Variants in TULP4 observed in about 807,000 individuals in gnomAD.
The protein encoded by TULP4 is TUB like protein 4, also known as tubby-related protein 4.
In TULP4, 16 loss-of-function variants were observed where a neutral mutation model predicts 129.0. The ratio of observed to expected loss-of-function variants is 0.12; its 90% CI spans 0.08 to 0.19. TULP4 has a LOEUF of 0.19. Ranked by LOEUF, TULP4 falls within the 10% of genes least tolerant of loss-of-function variation. The pLI is 1.00. For synonymous variants in TULP4, 998 were observed against 854.0 expected (o/e 1.17, Z -2.94); for missense variants, 1,842 against 2,059.1 (o/e 0.89, Z 2.04).
Position 158,503,909 on chromosome 6 carries a change from G to C in TULP4, c.4246G>C (p.Gly1416Arg). 1 of 1,614,072 alleles carries C rather than the reference G, an allele frequency of 6.2e-7. No homozygotes were observed. Among genetic ancestry groups the C allele is most frequent in the Non-Finnish European group, 8.5e-7 (1 of 1,180,034 alleles). The stretch of plus-strand genomic sequence containing the variant: ...GAGCGAGCCTGAGCTGTTCATCAGC[G>C]GGGATGAGCTCATGAACCAGAGCCA... Reference protein sequence around the residue: ...SESEPELFISGDELMNQSQGS... With the variant: ...SESEPELFISRDELMNQSQGS... The change falls in exon 13 of 14, where the codon GGG becomes CGG. Residue 1416 changes from glycine to arginine, a missense_variant. Physicochemically the swap from Gly to Arg is moderately radical, Grantham distance 125. Around this residue, in one of 5 missense-constraint regions of TULP4, gnomAD observed 1,089 missense variants for 987.1 expected, o/e 1.10. Coordinates refer to ENST00000367097, the MANE Select transcript of TULP4 (RefSeq NM_020245.5). The surrounding 1 kb of genome is among the most constrained non-coding windows in gnomAD (Gnocchi z 4.3).
intron 1 of TULP4, among the ~76,000 whole-genome samples, chr6:158,268,018 TTTTC>T (rs148303351): frequency 0.26 from 32,735 of 126,136 alleles, 4,550 homozygotes; most frequent in East Asian, 0.33. Context: ...TTTTCTTTTC[TTTTC>T]TTTTTCTTTT....
intron 6 of TULP4, among the ~76,000 whole-genome samples, chr6:158,478,130 G>GA (rs1462212077): frequency 1.3e-5 from 2 of 152,132 alleles, no homozygotes; most frequent in African/African-American, 4.8e-5. Flanking sequence ...GAGAAGATCA[G>GA]AAAAAATGCC....
chr6:158,312,422 A>G (rs1779377025), upstream of TULP4: 1 of 275,830 alleles, frequency 3.6e-6, no homozygotes, highest in African/African-American at 2.2e-5. Context: ...CAGTTTAAAG[A>G]AGGAACTAAG....
At chr6:158,303,643 A>T (rs1779165498) in intron 1 of TULP4, among the ~76,000 whole-genome samples, 2 of 152,068 alleles carry the variant, frequency 1.3e-5, no homozygotes, top group South Asian at 4.1e-4. Context: ...GCTGATGTAA[A>T]CCCTGCTGCT....
At chr6:158,444,231 A>AT (rs1778977108) in intron 3 of TULP4, among the ~76,000 whole-genome samples, 1 of 139,282 alleles carries the variant, frequency 7.2e-6, no homozygotes, top group Non-Finnish European at 1.6e-5. Flanking sequence ...AAAAAAAAAA[A>AT]AAAAAAAAAA....
intron 3 of TULP4, among the ~76,000 whole-genome samples, chr6:158,443,331 G>T (rs965277309): frequency 6.6e-6 from 1 of 151,858 alleles, no homozygotes; most frequent in Non-Finnish European, 1.5e-5. Flanking sequence ...TGACCGGGCT[G>T]GTTTTGAACT....
chr6:158,450,157 G>A (rs1217077680), intron 4 of TULP4, among the ~76,000 whole-genome samples: 1 of 152,208 alleles, frequency 6.6e-6, no homozygotes, highest in Non-Finnish European at 1.5e-5. Context: ...TTTGGGGAAT[G>A]GGACTGGCTT....
At chr6:158,309,724 A>C (rs1175262500), upstream of TULP4, among the ~76,000 whole-genome samples, 1 of 152,052 alleles carries the variant, frequency 6.6e-6, no homozygotes, top group African/African-American at 2.4e-5. Flanking sequence ...CCCCGTCTCC[A>C]CCAAAAAAAT....
intron 1 of TULP4, among the ~76,000 whole-genome samples, chr6:158,240,936 C>G (rs1241786249): frequency 6.8e-6 from 1 of 148,028 alleles, no homozygotes; most frequent in Middle Eastern, 3.6e-3. Context: ...CGGAGAGGCT[C>G]CTCACTTCTC....
Position 158,484,217 on chromosome 6 carries a change from G to C in TULP4, c.1486+2928G>C, listed in dbSNP as rs753240620. On this transcript the variant is annotated intron_variant, in intron 8 of 13. Coordinates refer to ENST00000367097, the MANE Select transcript of TULP4 (RefSeq NM_020245.5). ...TGGGATCATAGGTGTGAGCCACCAT[G>C]CCCAGCTGCTTCCCTCCACCACCCC... Among the ~76,000 whole-genome samples the C allele has an allele frequency of 1.1e-4, 17 of 151,270 alleles. No individual in the cohort carries two copies. The South Asian group carries it at 1.5e-3, about 13-fold the overall frequency.
At chr6:158,494,192 A>T (rs1419864773) in intron 10 of TULP4, among the ~76,000 whole-genome samples, 2 of 152,154 alleles carry the variant, frequency 1.3e-5, no homozygotes, top group Non-Finnish European at 2.9e-5. Context: ...AGGCTGACAC[A>T]CCTGGTGTAG....
intron 1 of TULP4, among the ~76,000 whole-genome samples, chr6:158,249,194 A>T (rs974835334): frequency 6.6e-6 from 1 of 151,908 alleles, no homozygotes; most frequent in Admixed American, 6.6e-5. Flanking sequence ...AAGTGATTTG[A>T]GCCTTTACCA....
At chr6:158,265,423 T>C (rs1306686803) in intron 1 of TULP4, among the ~76,000 whole-genome samples, 1 of 152,064 alleles carries the variant, frequency 6.6e-6, no homozygotes, top group Non-Finnish European at 1.5e-5. Flanking sequence ...GGCGCACCCC[T>C]GTAATCCCAG....
Position 158,506,609 on chromosome 6 carries a change from C to G in TULP4, c.4547C>G (p.Ala1516Gly), listed in dbSNP as rs138246958. 17 of 1,613,498 alleles carry G rather than the reference C, an allele frequency of 1.1e-5. No homozygotes were observed. The highest frequency in any genetic ancestry group is 5.3e-5 in the African/African-American group (4 of 74,930). ...CAGTTTGGACGGATTGATGGCAGTGCGTACATTCTAGACTTCCAGTATCCG... is the reference window on the plus strand; with the variant it reads ...CAGTTTGGACGGATTGATGGCAGTGGGTACATTCTAGACTTCCAGTATCCG... ...VMQFGRIDGS[A>G]YILDFQYPFS... Residue 1516 changes from alanine (A) to glycine (G), a missense_variant, in exon 14 of 14, where the codon GCG becomes GGG. Physicochemically the swap from Ala to Gly is moderately conservative, Grantham distance 60. Transcript: ENST00000367097.
intron 1 of TULP4, among the ~76,000 whole-genome samples, chr6:158,406,593 G>T (rs1777982399): frequency 6.6e-6 from 1 of 152,198 alleles, no homozygotes; most frequent in South Asian, 2.1e-4. Context: ...ATGGTCAAAA[G>T]ATGAAAGTAT....
intron 6 of TULP4, among the ~76,000 whole-genome samples, chr6:158,468,977 G>A (rs1173771436): frequency 1.3e-5 from 2 of 152,174 alleles, no homozygotes; most frequent in African/African-American, 4.8e-5. Context: ...GAACTAGATT[G>A]CAACAAGAAT....
At position 158,331,766 on chromosome 6, in the gene TULP4, TACACGTATATATACAC is replaced by T. The variant is rs1200722786; in HGVS notation, c.252+17503_252+17518del. On this transcript the variant is annotated intron_variant, in intron 1 of 13. Coordinates refer to ENST00000367097, the MANE Select transcript of TULP4 (RefSeq NM_020245.5). ...ATACGTGTATATACACGTGTATATATACACGTATATATACACACACACATACCTACATACACACATT... is the reference window on the plus strand; with the variant it reads ...ATACGTGTATATACACGTGTATATATACACACATACCTACATACACACATT... Among the ~76,000 whole-genome samples the T allele has an allele frequency of 2.8e-3, 98 of 34,866 alleles. 22 individuals carry two copies. The highest frequency in any genetic ancestry group is 0.012 in the East Asian group (9 of 770). 22.9% of individuals were successfully genotyped at this position (34,866 alleles called of 152,430 possible).
In TULP4 at chr6:158,430,001, A is replaced by G. The variant is rs1052131046; in HGVS notation, c.543+104A>G. On this transcript the variant is annotated intron_variant, in intron 3 of 13. Transcript: ENST00000367097. ...AGCTGGTGCAAAAGCCTCTTTAAGAATCACAATGGAAAAGAACAATAAAAC... is the reference window on the plus strand; with the variant it reads ...AGCTGGTGCAAAAGCCTCTTTAAGAGTCACAATGGAAAAGAACAATAAAAC... 34 of 1,105,842 alleles carry G rather than the reference A, an allele frequency of 3.1e-5. No homozygotes were observed. In the East Asian group the frequency reaches 8.8e-4, roughly 29 times the overall value. 68.5% of individuals were successfully genotyped at this position (1,105,842 alleles called of 1,614,324 possible). A position where few individuals can be genotyped will look rare whatever the true frequency, so the allele number is the denominator to read the frequency against.
chr6:158,500,145 T>G (rs1048977128), intron 12 of TULP4, among the ~76,000 whole-genome samples: 1 of 152,240 alleles, frequency 6.6e-6, no homozygotes, highest in Admixed American at 6.5e-5. Context: ...CAGCTGTTGC[T>G]GCAGTTGTCG....
Sources: allele counts gnomAD v4.1 joint callset (sites outside exome capture counted in the v4.1 genomes callset), GRCh38; gene constraint gnomAD v4.1.1; regional missense constraint gnomAD v4.1.1; non-coding constraint Gnocchi (gnomAD v3.1); transcripts MANE v1.5; gene names NCBI Gene and HGNC (gene_info 2026-07-23, HGNC 2026-07-21).